The following MBNL2 variants were observed in gnomAD, a reference collection of about 807,000 sequenced individuals.
MBNL2 encodes the protein muscleblind-like protein 2.
Under a neutral mutation model 41.9 loss-of-function variants are expected in MBNL2, and 17 were observed. The observed-to-expected ratio is 0.41, with a 90% CI of 0.28 to 0.61. MBNL2 has a LOEUF of 0.61. MBNL2 is among the 20% of genes least tolerant of loss of function. MBNL2 has a pLI of 0.35. For missense variants in MBNL2, 336 were observed against 505.6 expected, an observed-to-expected ratio of 0.66 and a Z score of 3.22; for synonymous variants, 195 against 182.9, an observed-to-expected ratio of 1.07 and a Z score of -0.53.
chr13:97,200,988 T>A, the MBNL2 span, among the ~76,000 whole-genome samples: 1 of 152,200 alleles, frequency 6.6e-6, no homozygotes, highest in East Asian at 1.9e-4. Flanking sequence ...TTTACCCTTT[T>A]TTCCCTACTA....
the MBNL2 span, chr13:97,179,679 C>T: frequency 2.0e-5 from 3 of 152,254 alleles, no homozygotes; most frequent in East Asian, 5.8e-4. Flanking sequence ...GCCTTTTGCG[C>T]CTTCTTCTGC....
intron 4 of MBNL2, among the ~76,000 whole-genome samples, chr13:97,344,873 C>T (rs1340417000): frequency 6.6e-6 from 1 of 152,156 alleles, no homozygotes; most frequent in Non-Finnish European, 1.5e-5. Context: ...TTTAGCAGAG[C>T]GGCTTTTGGT....
chr13:97,270,806 C>T (rs184721622), intron 1 of MBNL2, among the ~76,000 whole-genome samples: 64 of 152,280 alleles, frequency 4.2e-4, no homozygotes, highest in Middle Eastern at 3.4e-3. Flanking sequence ...TGGTCTAGCC[C>T]ATCCTTACCC....
intron 1 of MBNL2, among the ~76,000 whole-genome samples, chr13:97,224,937 T>C (rs2041376885): frequency 6.6e-6 from 1 of 152,274 alleles, no homozygotes; most frequent in African/African-American, 2.4e-5. Context: ...ACAGGCCTTG[T>C]AGTGCCCAAA....
chr13:97,187,593 T>TA, the MBNL2 span, among the ~76,000 whole-genome samples: 1,934 of 51,402 alleles, frequency 0.038, 264 homozygotes, highest in African/African-American at 0.046. Context: ...CTATGCAGCT[T>TA]AAAAAAAAAA....
At chr13:97,322,458 G>GT (rs2059584871) in intron 2 of MBNL2, among the ~76,000 whole-genome samples, 1 of 152,096 alleles carries the variant, frequency 6.6e-6, no homozygotes, top group Non-Finnish European at 1.5e-5. Context: ...TCATGATGGG[G>GT]TTACATCAGA....
chr13:97,216,287 C>T, the MBNL2 span, among the ~76,000 whole-genome samples: 5 of 152,074 alleles, frequency 3.3e-5, no homozygotes, highest in South Asian at 2.1e-4. Flanking sequence ...ATCAATCAAC[C>T]AAAATGAATT....
chr13:97,264,748 G>C (rs1487229102), intron 1 of MBNL2, among the ~76,000 whole-genome samples: 1 of 152,236 alleles, frequency 6.6e-6, no homozygotes, highest in African/African-American at 2.4e-5. Flanking sequence ...CATTAGGCTG[G>C]TCACTGGAGA....
chr13:97,323,636 G>A (rs1021921000), intron 2 of MBNL2, among the ~76,000 whole-genome samples: 6 of 152,132 alleles, frequency 3.9e-5, no homozygotes, highest in Non-Finnish European at 8.8e-5. Context: ...ATCTGTGGGA[G>A]GTCCTGGAAC....
chr13:97,233,124 T>C (rs2042639446), intron 1 of MBNL2, among the ~76,000 whole-genome samples: 1 of 106,962 alleles, frequency 9.3e-6, no homozygotes, highest in African/African-American at 3.6e-5. Context: ...CAGGCTCTTT[T>C]TCATATATAT....
intron 8 of MBNL2, among the ~76,000 whole-genome samples, chr13:97,376,444 A>C (rs1421752591): frequency 6.6e-6 from 1 of 152,254 alleles, no homozygotes; most frequent in Non-Finnish European, 1.5e-5. Flanking sequence ...TTTATGACAA[A>C]CTATAGCTAA....
chr13:97,215,088 C>T, the MBNL2 span, among the ~76,000 whole-genome samples: 9 of 152,334 alleles, frequency 5.9e-5, no homozygotes, highest in East Asian at 1.7e-3. Flanking sequence ...ATCTCCAACG[C>T]TTGGAGGATT....
the MBNL2 span, among the ~76,000 whole-genome samples, chr13:97,160,555 G>GACACGCACACACAC: frequency 6.6e-6 from 1 of 152,014 alleles, no homozygotes; most frequent in Admixed American, 6.6e-5. Context: ...GAGGCACCTA[G>GACACGCACACACAC]ACACGCACAC....
chr13:97,208,160 T>C, the MBNL2 span, among the ~76,000 whole-genome samples: 231 of 152,352 alleles, frequency 1.5e-3, 2 homozygotes, highest in African/African-American at 5.4e-3. Context: ...TTGCAGGACT[T>C]CTCAAAGCCT....
At position 97,275,827 on chromosome 13, in the gene MBNL2, C is replaced by T. The variant is rs1004412649; in HGVS notation, c.-409C>T. Reference sequence around the variant, plus strand: ...TTTAAAAAGGGGAAAGAAAAACATCCTGCTAAAATATGAACATCTGAGTGT... The same window carrying T: ...TTTAAAAAGGGGAAAGAAAAACATCTTGCTAAAATATGAACATCTGAGTGT... On this transcript the variant is annotated 5_prime_UTR_variant, in exon 2 of 9. Coordinates refer to ENST00000679496, the MANE Select transcript of MBNL2 (RefSeq NM_001382683.1). 2.6e-5 allele frequency: 4 copies of T among 155,760 alleles called. No individual in the cohort carries two copies. Among genetic ancestry groups the T allele is most frequent in the African/African-American group, 9.6e-5 (4 of 41,572 alleles). 9.6% of individuals were successfully genotyped at this position (155,760 alleles called of 1,614,324 possible).
rs955514158 is a variant in MBNL2, at chr13:97,235,575, A to G, written c.-605+13044A>G. On this transcript the variant is annotated intron_variant, in intron 1 of 8. Transcript: ENST00000679496. ...TGAGTTAATTGCTCTGTGGCTGTGGATTTTTATTTGATGTTCTGATCTCTT... is the reference window on the plus strand; with the variant it reads ...TGAGTTAATTGCTCTGTGGCTGTGGGTTTTTATTTGATGTTCTGATCTCTT... Among the ~76,000 whole-genome samples the G allele has an allele frequency of 4.5e-4, 69 of 152,274 alleles. No homozygotes were observed. In the East Asian group the frequency reaches 0.013, roughly 28 times the overall value.
intron 7 of MBNL2, among the ~76,000 whole-genome samples, chr13:97,358,223 A>G (rs948153419): frequency 6.6e-6 from 1 of 152,194 alleles, no homozygotes; most frequent in African/African-American, 2.4e-5. Flanking sequence ...GATTCCACTA[A>G]AAGATCCATT....
At chr13:97,302,166 A>G (rs946187704) in intron 2 of MBNL2, among the ~76,000 whole-genome samples, 3 of 152,114 alleles carry the variant, frequency 2.0e-5, no homozygotes, top group African/African-American at 7.2e-5. Flanking sequence ...TATCTTCCTA[A>G]GCTAGTTCCC....
At chr13:97,215,644 T>C in the MBNL2 span, among the ~76,000 whole-genome samples, 1 of 152,368 alleles carries the variant, frequency 6.6e-6, no homozygotes, top group Non-Finnish European at 1.5e-5. Context: ...ATGTTTTTTT[T>C]CAAATATTTT....
Sources: gnomAD v4.1 joint callset for allele counts (sites outside exome capture counted in the v4.1 genomes callset) on GRCh38, gnomAD v4.1.1 for gene constraint, MANE v1.5 for transcripts, NCBI Gene and HGNC (gene_info 2026-07-23, HGNC 2026-07-21) for gene names.